The following SAMD5 variants were observed in gnomAD, a reference collection of about 807,000 sequenced individuals.
SAMD5 encodes sterile alpha motif domain containing 5.
A neutral mutation model predicts 11.3 loss-of-function variants in SAMD5; 13 were observed. The ratio of observed to expected loss-of-function variants is 1.15; its 90% confidence interval spans 0.75 to 1.83. SAMD5 has a LOEUF of 1.83. SAMD5 is among the 40% of genes most tolerant of loss of function. The probability of loss-of-function intolerance (pLI) is 0.00; values close to 1 mark genes in which losing one functional copy is unlikely to be tolerated. For synonymous variants in SAMD5, 129 were observed against 111.3 expected (o/e 1.16, Z -1.00); for missense variants, 255 against 239.1 (o/e 1.07, Z -0.44).
intron 1 of SAMD5, among the ~76,000 whole-genome samples, chr6:147,514,810 C>A (rs1166546339): frequency 6.6e-6 from 1 of 152,138 alleles, no homozygotes; most frequent in Non-Finnish European, 1.5e-5. Flanking sequence ...CATCTTCATT[C>A]ATACCCTTCG....
the SAMD5 span, among the ~76,000 whole-genome samples, chr6:147,904,891 CTT>C: frequency 1.3e-3 from 183 of 139,190 alleles, no homozygotes; most frequent in African/African-American, 2.0e-3. Flanking sequence ...GACTTTATGC[CTT>C]TTTTTTTTTT....
At chr6:147,946,644 C>A in the SAMD5 span, among the ~76,000 whole-genome samples, 3 of 152,190 alleles carry the variant, frequency 2.0e-5, no homozygotes, top group Non-Finnish European at 4.4e-5. Context: ...GAGACTGCAA[C>A]TGCAATGAAT....
At chr6:147,863,846 T>C in the SAMD5 span, among the ~76,000 whole-genome samples, 2 of 145,842 alleles carry the variant, frequency 1.4e-5, no homozygotes, top group Non-Finnish European at 3.0e-5. Context: ...CACTTTTTTT[T>C]TTTTTTTTTT....
the SAMD5 span, among the ~76,000 whole-genome samples, chr6:147,865,313 AGTGTGTGTGTGTGTGT>A: frequency 2.2e-3 from 328 of 147,272 alleles, 1 homozygote; most frequent in African/African-American, 3.5e-3. Context: ...TAGGTATATA[AGTGTGTGTGTGTGTGT>A]GTGTGTGTGT....
At chr6:147,793,529 A>C in the SAMD5 span, among the ~76,000 whole-genome samples, 3 of 152,340 alleles carry the variant, frequency 2.0e-5, no homozygotes, top group South Asian at 2.1e-4. Context: ...ATATATATTT[A>C]AATACACATA....
intron 1 of SAMD5, among the ~76,000 whole-genome samples, chr6:147,709,200 A>G (rs1269824354): frequency 2.0e-5 from 3 of 152,108 alleles, no homozygotes; most frequent in Admixed American, 1.3e-4. Context: ...TTCTAATTTG[A>G]AGTTTGGTAA....
At chr6:147,586,162 T>C (rs1311450642) in intron 1 of SAMD5, among the ~76,000 whole-genome samples, 2 of 152,170 alleles carry the variant, frequency 1.3e-5, no homozygotes, top group Admixed American at 6.5e-5. Context: ...AATATTTACA[T>C]AGGGATCATA....
At chr6:147,841,198 A>T in the SAMD5 span, among the ~76,000 whole-genome samples, 1 of 152,140 alleles carries the variant, frequency 6.6e-6, no homozygotes, top group Non-Finnish European at 1.5e-5. Flanking sequence ...CTGCGTTTTG[A>T]TATCATCCAG....
chr6:147,835,274 A>C, the SAMD5 span, among the ~76,000 whole-genome samples: 2 of 148,888 alleles, frequency 1.3e-5, no homozygotes, highest in Non-Finnish European at 3.0e-5. Context: ...GAGATTGTGC[A>C]GCGGCTGTTG....
the SAMD5 span, among the ~76,000 whole-genome samples, chr6:147,779,196 T>G: frequency 6.6e-6 from 1 of 152,162 alleles, no homozygotes; most frequent in Admixed American, 6.5e-5. Flanking sequence ...CTGTGGCTAC[T>G]TTTAATTTTA....
Position 147,508,965 on chromosome 6 carries a change from C to A in SAMD5, c.37C>A (p.Leu13Met). 1 of 1,601,662 alleles carries A rather than the reference C, an allele frequency of 6.2e-7. No individual in the cohort carries two copies. The highest frequency in any genetic ancestry group is 1.1e-5 in the South Asian group (1 of 89,112). Residue 13 changes from leucine (L) to methionine (M), a missense_variant, in exon 1 of 2, where the codon CTG becomes ATG. Physicochemically the swap from Leu to Met is conservative, Grantham distance 15 (BLOSUM62 2). Transcript: ENST00000367474. ...CATAGTTTACGAGTGGCTCAAAGCG[C>A]TGCAGCTTCCGCAGTACGCGGAGTC... ...TNIVYEWLKA[L>M]QLPQYAESFV...
In SAMD5 at chr6:147,508,833, C is replaced by T; in HGVS notation, c.-96C>T. On this transcript the variant is annotated 5_prime_UTR_variant, in exon 1 of 2. Transcript: ENST00000367474. Reference sequence around the variant, plus strand: ...AAAACTTTACTGCGATACCCTTTTCCCCTTGGAGGAGAGGATTAAAAGTTC... The same window carrying T: ...AAAACTTTACTGCGATACCCTTTTCTCCTTGGAGGAGAGGATTAAAAGTTC... The T allele has an allele frequency of 6.7e-7, 1 of 1,487,218 alleles. No individual in the cohort carries two copies. Among genetic ancestry groups the T allele is most frequent in the Non-Finnish European group, 8.9e-7 (1 of 1,123,616 alleles). The allele number at this position is 1,487,218 out of a possible 1,614,324, so 92.1% of individuals were successfully genotyped here.
Position 147,564,506 on chromosome 6 carries a change from G to C in SAMD5, c.*50G>C, listed in dbSNP as rs772803283. 15 of 845,564 alleles carry C rather than the reference G, an allele frequency of 1.8e-5. No individual in the cohort carries two copies. Among genetic ancestry groups the C allele is most frequent in the Non-Finnish European group, 3.1e-5 (15 of 479,792 alleles). 52.4% of individuals were successfully genotyped at this position (845,564 alleles called of 1,614,324 possible). A position where few individuals can be genotyped will look rare whatever the true frequency, so the allele number is the denominator to read the frequency against. ...GGACTGATGAGGTGCCTGAAGACTG[G>C]AAAAGGGCATATTTAGAACCTTCTT... On this transcript the variant is annotated 3_prime_UTR_variant, in exon 2 of 2. Coordinates refer to ENST00000367474, the MANE Select transcript of SAMD5 (RefSeq NM_001030060.3).
chr6:147,768,024 T>C, the SAMD5 span, among the ~76,000 whole-genome samples: 45 of 152,354 alleles, frequency 3.0e-4, no homozygotes, highest in African/African-American at 1.0e-3. Flanking sequence ...TCACCATTAC[T>C]TGATTTTAGC....
intron 1 of SAMD5, among the ~76,000 whole-genome samples, chr6:147,670,336 T>C (rs970958150): frequency 6.6e-6 from 1 of 152,200 alleles, no homozygotes; most frequent in African/African-American, 2.4e-5. Context: ...TCCAGAATGA[T>C]TGAATGAGCA....
In SAMD5 at chr6:147,566,952, A is replaced by C; in HGVS notation, c.*2496A>C. On this transcript the variant is annotated 3_prime_UTR_variant, in exon 2 of 2. Transcript: ENST00000367474. ...GTATCTAAACACCAATAATATACTT[A>C]ATTTTTGAATATAAAAGAAGTAGCA... The C allele has an allele frequency of 1.2e-6, 1 of 858,752 alleles. No individual in the cohort carries two copies. The highest frequency in any genetic ancestry group is 1.4e-6 in the Non-Finnish European group (1 of 714,816). The allele number at this position is 858,752 out of a possible 1,614,324, so 53.2% of individuals were successfully genotyped here.
intron 1 of SAMD5, among the ~76,000 whole-genome samples, chr6:147,632,873 A>G (rs950084745): frequency 6.6e-6 from 1 of 152,232 alleles, no homozygotes; most frequent in Admixed American, 6.5e-5. Flanking sequence ...TTTGAATTCA[A>G]ACATCTTAAA....
chr6:147,733,471 G>T (rs1252044201), intron 1 of SAMD5, among the ~76,000 whole-genome samples: 1 of 150,930 alleles, frequency 6.6e-6, no homozygotes, highest in Admixed American at 6.6e-5. Context: ...GAAACAACTG[G>T]ACTGAGACCA....
At chr6:147,824,235 A>G in the SAMD5 span, among the ~76,000 whole-genome samples, 9 of 152,328 alleles carry the variant, frequency 5.9e-5, no homozygotes, top group African/African-American at 2.2e-4. Context: ...GATCTCTCTT[A>G]AGAACCTAAT....
Sources: gnomAD v4.1 joint callset for allele counts (sites outside exome capture counted in the v4.1 genomes callset) on GRCh38, gnomAD v4.1.1 for gene constraint, MANE v1.5 for transcripts, NCBI Gene and HGNC (gene_info 2026-07-23, HGNC 2026-07-21) for gene names.